The following GGA2 variants were observed in gnomAD, a reference collection of about 807,000 sequenced individuals.
GGA2 encodes the protein ADP-ribosylation factor-binding protein GGA2.
GGA2 carries 48 observed loss-of-function variants against 79.5 expected under a neutral mutation model. The ratio of observed to expected loss-of-function variants is 0.60; its 90% CI spans 0.48 to 0.77. The LOEUF is 0.77. GGA2 is among the 30% of genes least tolerant of loss of function. The pLI is 0.00. For missense variants in GGA2, 770 were observed against 774.0 expected, an observed-to-expected ratio of 0.99 and a Z score of 0.06; for synonymous variants, 317 against 302.0, an observed-to-expected ratio of 1.05 and a Z score of -0.51.
chr16:23,505,898 C>T (rs971311907), intron 1 of GGA2, among the ~76,000 whole-genome samples: 13 of 152,202 alleles, frequency 8.5e-5, no homozygotes, highest in Non-Finnish European at 4.4e-5. Flanking sequence ...TGGACTGAGC[C>T]TACCCCTACT....
At chr16:23,514,912 C>T (rs768905882), upstream of GGA2, among the ~76,000 whole-genome samples, 14 of 152,020 alleles carry the variant, frequency 9.2e-5, no homozygotes, top group Non-Finnish European at 1.6e-4. Flanking sequence ...AGATCTAGTA[C>T]GTCTGGAATG....
chr16:23,478,914 G>A lies in GGA2; in HGVS notation c.1130-3C>T. The A allele has an allele frequency of 6.3e-7, 1 of 1,598,778 alleles. No homozygotes were observed. Among genetic ancestry groups the A allele is most frequent in the Non-Finnish European group, 8.6e-7 (1 of 1,166,334 alleles). On this transcript the variant is annotated splice_region_variant and splice_polypyrimidine_tract_variant and intron_variant, in intron 11 of 16. Coordinates refer to ENST00000309859, the MANE Select transcript of GGA2 (RefSeq NM_015044.4). ...TGTAACAGGAGCATCACTGATTCCT[G>A]TAAGAAAGGAGTAGAGTGAGATGCC...
chr16:23,474,907 G>T lies in GGA2; in HGVS notation c.1447C>A (p.Pro483Thr). The change falls in exon 14 of 17, where the codon CCC becomes ACC. Residue 483 changes from proline to threonine, a missense_variant. Coordinates refer to ENST00000309859, the MANE Select transcript of GGA2 (RefSeq NM_015044.4). ...QVFVPLESVK[P>T]SSLPPLIVYD... The stretch of plus-strand genomic sequence containing the variant: ...TGGGGAGTGAAATTGTACTTACTGG[G>T]CTTAACAGACTCCAAAGGGACAAAC... The T allele has an allele frequency of 6.2e-7, 1 of 1,608,702 alleles. No homozygotes were observed.
At chr16:23,510,296 G>A (rs1965023685) in intron 1 of GGA2, 25 bp downstream of exon 1, 2 of 1,394,552 alleles carry the variant, frequency 1.4e-6, no homozygotes, top group African/African-American at 1.5e-5. Context: ...CAGCGGCTGC[G>A]CCGAAGGCCT....
chr16:23,495,928 G>T, intron 1 of GGA2, 150 bp from the exon 2 acceptor site: 2 of 539,980 alleles, frequency 3.7e-6, no homozygotes, highest in Non-Finnish European at 3.3e-6. Context: ...TTGTGCCTGC[G>T]CTGCCTACCA....
At chr16:23,475,584 TA>T (rs1467611961) in intron 13 of GGA2, among the ~76,000 whole-genome samples, 5 of 151,716 alleles carry the variant, frequency 3.3e-5, no homozygotes, top group Non-Finnish European at 7.4e-5. Flanking sequence ...AGGGCTACTG[TA>T]AGAATCAAAT....
intron 13 of GGA2, 85 bp downstream of exon 13, chr16:23,478,283 A>G (rs981349003): frequency 9.0e-6 from 9 of 996,214 alleles, no homozygotes; most frequent in African/African-American, 3.3e-5. Flanking sequence ...GCTGTCTTAG[A>G]GCACCATTCT....
Position 23,491,767 on chromosome 16 carries a change from CT to C in GGA2, c.384del (p.Gly129GlufsTer27). 6.2e-7 allele frequency: 1 copy of C among 1,611,468 alleles called. No individual in the cohort carries two copies. Among genetic ancestry groups the C allele is most frequent in the Non-Finnish European group, 8.5e-7 (1 of 1,177,680 alleles). ...CTGAAGAGTATTTCAATGACTCTTC[CT>C]TTAACTTTTCCTGTGGCCCAGGACC... ...YLGSWATGKV[K>X]GRVIEILFSW... On this transcript the variant is annotated frameshift_variant, in exon 5 of 17. Transcript: ENST00000309859. LOFTEE classifies it high-confidence loss of function.
chr16:23,482,671 C>T (rs900365299), intron 9 of GGA2, among the ~76,000 whole-genome samples: 1 of 152,174 alleles, frequency 6.6e-6, no homozygotes, highest in Non-Finnish European at 1.5e-5. Flanking sequence ...CTTTCTTCTA[C>T]CTCTCACACC....
In GGA2 at chr16:23,463,782, AAC is replaced by A. The variant is rs1286872121; in HGVS notation, c.*3806_*3807del. The A allele has an allele frequency of 6.6e-6, 1 of 152,208 alleles. No individual in the cohort carries two copies. Among genetic ancestry groups the A allele is most frequent in the Non-Finnish European group, 1.5e-5 (1 of 68,092 alleles). The allele number at this position is 152,208 out of a possible 1,614,324, so 9.4% of individuals were successfully genotyped here. A position where few individuals can be genotyped will look rare whatever the true frequency, so the allele number is the denominator to read the frequency against. ...TTGAGCCCAGGAGACCAGCCTGGGT[AAC>A]ACAGAGATCCAGTCTTTACGAAAAA... On this transcript the variant is annotated 3_prime_UTR_variant, in exon 17 of 17. Coordinates refer to ENST00000309859, the MANE Select transcript of GGA2 (RefSeq NM_015044.4).
chr16:23,497,285 T>C (rs1964868584), intron 1 of GGA2, among the ~76,000 whole-genome samples: 1 of 152,066 alleles, frequency 6.6e-6, no homozygotes, highest in Non-Finnish European at 1.5e-5. Flanking sequence ...CTGGCCCGAG[T>C]GTCCACTCTG....
At chr16:23,489,983 G>A (rs1964762747) in intron 5 of GGA2, among the ~76,000 whole-genome samples, 1 of 152,170 alleles carries the variant, frequency 6.6e-6, no homozygotes, top group African/African-American at 2.4e-5. Context: ...ATCCTACCAA[G>A]ACCCAGGATG....
chr16:23,482,554 C>T (rs776490970), intron 9 of GGA2, among the ~76,000 whole-genome samples: 3 of 152,156 alleles, frequency 2.0e-5, no homozygotes, highest in Non-Finnish European at 2.9e-5. Flanking sequence ...AGTTGACCTA[C>T]CTGGCCCCTG....
intron 15 of GGA2, chr16:23,469,466 C>G (rs1964483121): frequency 6.1e-6 from 1 of 162,976 alleles, no homozygotes; most frequent in Non-Finnish European, 1.4e-5. Context: ...AGGCCCCTTC[C>G]CCTGTGACTG....
chr16:23,481,849 C>CAATT (rs1964652978), intron 9 of GGA2, among the ~76,000 whole-genome samples: 1 of 152,036 alleles, frequency 6.6e-6, no homozygotes. Context: ...AAATATAAAC[C>CAATT]AATTATATGG....
chr16:23,523,320 G>T (rs1235250494), upstream of GGA2: 1 of 152,156 alleles, frequency 6.6e-6, no homozygotes, highest in Non-Finnish European at 1.5e-5. Context: ...CAGAGATGAT[G>T]ACTTATAAGT....
At chr16:23,468,456 G>GT (rs1489434086) in intron 16 of GGA2, among the ~76,000 whole-genome samples, 1 of 150,592 alleles carries the variant, frequency 6.6e-6, no homozygotes, top group African/African-American at 2.4e-5. Context: ...GATTACAGGC[G>GT]TGAGCCACTG....
chr16:23,474,043 T>G (rs554456910), intron 14 of GGA2, among the ~76,000 whole-genome samples: 1 of 152,212 alleles, frequency 6.6e-6, no homozygotes, highest in African/African-American at 2.4e-5. Flanking sequence ...CTCTGCATAC[T>G]GGTGTAGAGA....
At chr16:23,497,823 T>C (rs1964875493) in intron 1 of GGA2, among the ~76,000 whole-genome samples, 1 of 152,120 alleles carries the variant, frequency 6.6e-6, no homozygotes, top group Non-Finnish European at 1.5e-5. Flanking sequence ...TGAGCCTCAG[T>C]TTCCTCAACT....
Sources: allele counts gnomAD v4.1 joint callset (sites outside exome capture counted in the v4.1 genomes callset), GRCh38; gene constraint gnomAD v4.1.1; transcripts MANE v1.5; gene names NCBI Gene and HGNC (gene_info 2026-07-23, HGNC 2026-07-21).